CCBE1: variants seen among roughly 807,000 people sequenced by gnomAD.
CCBE1 encodes the protein collagen and calcium binding EGF domains 1.
A neutral mutation model predicts 50.0 loss-of-function variants in CCBE1; 37 were observed. That is an observed-to-expected ratio of 0.74 (90% CI 0.57 to 0.97). CCBE1 has a LOEUF of 0.97. Ranked by LOEUF, CCBE1 falls within the 50% of genes least tolerant of loss-of-function variation. The probability of loss-of-function intolerance (pLI) is 0.00; values close to 1 mark genes in which losing one functional copy is unlikely to be tolerated. For missense variants in CCBE1, 538 were observed against 523.8 expected (o/e 1.03, Z -0.26); for synonymous variants, 234 against 203.7 (o/e 1.15, Z -1.27).
intron 2 of CCBE1, among the ~76,000 whole-genome samples, chr18:59,489,411 TTTTA>T (rs759873127): frequency 3.4e-5 from 5 of 145,356 alleles, no homozygotes; most frequent in African/African-American, 1.0e-4. Flanking sequence ...TTTTTCTTCT[TTTTA>T]TTTATTTATT....
At chr18:59,453,999 G>A (rs1911061422) in intron 6 of CCBE1, among the ~76,000 whole-genome samples, 1 of 152,054 alleles carries the variant, frequency 6.6e-6, no homozygotes, top group Non-Finnish European at 1.5e-5. Context: ...CCTCATCCTT[G>A]GTGACACAAA....
In CCBE1 at chr18:59,480,251, C is replaced by T. The variant is rs981249726; in HGVS notation, c.213-13G>A. The T allele has an allele frequency of 1.3e-6, 2 of 1,560,132 alleles. No homozygotes were observed. The highest frequency in any genetic ancestry group is 1.8e-6 in the Non-Finnish European group (2 of 1,132,254). On this transcript the variant is annotated splice_polypyrimidine_tract_variant and intron_variant, in intron 2 of 10. Transcript: ENST00000439986. Reference sequence around the variant, plus strand: ...GCAGCACTTTTTCCTAAGAGACAAACAAACATTTAAAATATAATAATTAGG... The same window carrying T: ...GCAGCACTTTTTCCTAAGAGACAAATAAACATTTAAAATATAATAATTAGG...
chr18:59,656,696 G>T (rs1056689603), intron 2 of CCBE1, among the ~76,000 whole-genome samples: 1 of 152,194 alleles, frequency 6.6e-6, no homozygotes, highest in African/African-American at 2.4e-5. Flanking sequence ...AGCATTTTTA[G>T]TGATAGAGTT....
chr18:59,630,669 T>C (rs1323683059), intron 2 of CCBE1, among the ~76,000 whole-genome samples: 1 of 152,220 alleles, frequency 6.6e-6, no homozygotes, highest in Non-Finnish European at 1.5e-5. Flanking sequence ...CTCTCCAGCA[T>C]GATGGTCTCA....
chr18:59,494,933 C>T (rs1913277366), intron 2 of CCBE1, among the ~76,000 whole-genome samples: 1 of 152,128 alleles, frequency 6.6e-6, no homozygotes, highest in Non-Finnish European at 1.5e-5. Context: ...GCAGGCAGAT[C>T]ACTTGAGGCC....
intron 2 of CCBE1, chr18:59,688,065 G>T (rs1016314774): frequency 6.6e-6 from 1 of 152,318 alleles, no homozygotes; most frequent in East Asian, 1.9e-4. Flanking sequence ...AGTTATAACT[G>T]ATTCCGAATA....
intron 2 of CCBE1, among the ~76,000 whole-genome samples, chr18:59,642,706 T>A (rs920557725): frequency 6.6e-6 from 1 of 151,918 alleles, no homozygotes; most frequent in Admixed American, 6.5e-5. Flanking sequence ...TCCCAGCACT[T>A]TGGGAGGCTG....
chr18:59,527,209 G>A (rs1424821231), intron 2 of CCBE1, among the ~76,000 whole-genome samples: 2 of 152,236 alleles, frequency 1.3e-5, no homozygotes, highest in East Asian at 1.9e-4. Flanking sequence ...ATATATTTAG[G>A]ATAGCTTTTC....
At chr18:59,696,844 A>C in intron 1 of CCBE1, 135 bp from the exon 2 acceptor site, 2 of 979,662 alleles carry the variant, frequency 2.0e-6, no homozygotes, top group South Asian at 1.3e-5. Flanking sequence ...CTGGTCCCCA[A>C]ACGCGTACGC....
intron 7 of CCBE1, among the ~76,000 whole-genome samples, chr18:59,446,482 T>A (rs1044344557): frequency 6.6e-6 from 1 of 152,116 alleles, no homozygotes; most frequent in South Asian, 2.1e-4. Context: ...TGACCCGGAG[T>A]ACCTCAGGCC....
At chr18:59,645,071 T>C (rs1475124859) in intron 2 of CCBE1, among the ~76,000 whole-genome samples, 1 of 151,922 alleles carries the variant, frequency 6.6e-6, no homozygotes, top group African/African-American at 2.4e-5. Flanking sequence ...CTGACCAATA[T>C]GGTGAAACCC....
At position 59,477,538 on chromosome 18, in the gene CCBE1, C is replaced by CTGTGTGTGTGTGTGTG. The variant is rs55840819; in HGVS notation, c.265+2632_265+2647dup. On this transcript the variant is annotated intron_variant, in intron 3 of 10. Coordinates refer to ENST00000439986, the MANE Select transcript of CCBE1 (RefSeq NM_133459.4). ...CTTTCCATGGATTATTTCCATGTCT[C>CTGTGTGTGTGTGTGTG]TGTGTGTGTGTGTGTGTGTGTGTGT... Among the ~76,000 whole-genome samples the CTGTGTGTGTGTGTGTG allele has an allele frequency of 3.2e-3, 476 of 149,980 alleles. 9 individuals carry two copies. The East Asian group carries it at 0.054, about 17-fold the overall frequency.
intron 2 of CCBE1, among the ~76,000 whole-genome samples, chr18:59,525,801 T>C (rs559673824): frequency 1.3e-5 from 2 of 152,236 alleles, no homozygotes; most frequent in East Asian, 3.9e-4. Context: ...GTTTCGATTT[T>C]CTGCATATGA....
chr18:59,594,709 C>G (rs982740275), intron 2 of CCBE1, among the ~76,000 whole-genome samples: 3 of 152,100 alleles, frequency 2.0e-5, no homozygotes, highest in Admixed American at 2.0e-4. Flanking sequence ...CTCGGTGCTA[C>G]TCACTTTGTC....
intron 2 of CCBE1, among the ~76,000 whole-genome samples, chr18:59,672,800 TG>T (rs1414427040): frequency 6.6e-6 from 1 of 151,988 alleles, no homozygotes; most frequent in Non-Finnish European, 1.5e-5. Flanking sequence ...ATTTTATAAG[TG>T]GGAACTAAAC....
chr18:59,573,104 G>A (rs186251698), intron 2 of CCBE1, among the ~76,000 whole-genome samples: 12 of 151,514 alleles, frequency 7.9e-5, no homozygotes, highest in African/African-American at 2.9e-4. Flanking sequence ...GGCCAGCATG[G>A]TAAAACCCTG....
At chr18:59,486,021 G>C (rs575293577) in intron 2 of CCBE1, among the ~76,000 whole-genome samples, 2 of 152,194 alleles carry the variant, frequency 1.3e-5, no homozygotes, top group Non-Finnish European at 2.9e-5. Flanking sequence ...ATGTGGGCTA[G>C]AATTTTGGCT....
At chr18:59,452,956 A>G (rs1254305024) in intron 6 of CCBE1, among the ~76,000 whole-genome samples, 1 of 151,782 alleles carries the variant, frequency 6.6e-6, no homozygotes, top group Non-Finnish European at 1.5e-5. Flanking sequence ...TATTAAGATG[A>G]CCTCGTGGAT....
intron 2 of CCBE1, among the ~76,000 whole-genome samples, chr18:59,598,261 G>T (rs576493541): frequency 6.6e-6 from 1 of 152,252 alleles, no homozygotes; most frequent in East Asian, 1.9e-4. Flanking sequence ...TTGCCAAAAT[G>T]TCCCTTCACC....
Sources: gnomAD v4.1 joint callset for allele counts (sites outside exome capture counted in the v4.1 genomes callset) on GRCh38, gnomAD v4.1.1 for gene constraint, MANE v1.5 for transcripts, NCBI Gene and HGNC (gene_info 2026-07-23, HGNC 2026-07-21) for gene names.